The following NMU variants were observed in gnomAD, a reference collection of about 807,000 sequenced individuals.
NMU encodes neuromedin-U.
NMU carries 29 observed loss-of-function variants against 35.4 expected under a neutral mutation model. The observed-to-expected ratio is 0.82, with a 90% CI of 0.61 to 1.12. The LOEUF (loss-of-function observed/expected upper bound fraction) is 1.12. NMU is among the 50% of genes most tolerant of loss of function. The probability of loss-of-function intolerance (pLI) is 0.00; values close to 1 mark genes in which losing one functional copy is unlikely to be tolerated. For synonymous variants in NMU, 78 were observed against 81.3 expected (o/e 0.96, Z 0.22); for missense variants, 199 against 206.2 (o/e 0.97, Z 0.21).
intron 8 of NMU, among the ~76,000 whole-genome samples, chr4:55,599,439 A>G (rs1053557509): frequency 2.0e-5 from 3 of 152,124 alleles, no homozygotes; most frequent in Non-Finnish European, 4.4e-5. Context: ...ATGCTATTTG[A>G]CTTTGCTTAT....
At chr4:55,617,661 G>T (rs1023983431) in intron 2 of NMU, among the ~76,000 whole-genome samples, 2 of 152,202 alleles carry the variant, frequency 1.3e-5, no homozygotes, top group African/African-American at 4.8e-5. Flanking sequence ...AAGTCAAAAA[G>T]ATAACCATTT....
intron 2 of NMU, among the ~76,000 whole-genome samples, chr4:55,629,414 A>G (rs1734669923): frequency 6.6e-6 from 1 of 151,592 alleles, no homozygotes; most frequent in South Asian, 2.1e-4. Flanking sequence ...AGGTCAAGAG[A>G]TGGAGACCAT....
At chr4:55,598,594 C>G (rs1733300077) in intron 9 of NMU, among the ~76,000 whole-genome samples, 2 of 152,260 alleles carry the variant, frequency 1.3e-5, no homozygotes, top group South Asian at 4.1e-4. Context: ...ATGTCCAGCA[C>G]TGAGGTAGAA....
intron 2 of NMU, among the ~76,000 whole-genome samples, chr4:55,618,573 C>T (rs564831374): frequency 6.6e-6 from 1 of 152,092 alleles, no homozygotes; most frequent in African/African-American, 2.4e-5. Context: ...TCCTTTCTTT[C>T]TTTTCTTTCT....
chr4:55,605,994 A>G (rs369963582), intron 6 of NMU, among the ~76,000 whole-genome samples: 5 of 152,236 alleles, frequency 3.3e-5, no homozygotes, highest in East Asian at 3.8e-4. Flanking sequence ...TTAAAAAGGT[A>G]TGGGTCACAT....
chr4:55,596,717 AT>A (rs1447085889), intron 9 of NMU, among the ~76,000 whole-genome samples: 1 of 152,104 alleles, frequency 6.6e-6, no homozygotes, highest in Non-Finnish European at 1.5e-5. Flanking sequence ...AGCACATTAA[AT>A]TTTTCCTTCG....
intron 3 of NMU, among the ~76,000 whole-genome samples, chr4:55,611,431 GAAGA>G (rs1459284232): frequency 2.6e-5 from 4 of 152,110 alleles, no homozygotes; most frequent in African/African-American, 7.2e-5. Context: ...ATTTATTATT[GAAGA>G]GAGAAAAATT....
intron 9 of NMU, among the ~76,000 whole-genome samples, chr4:55,598,344 A>G (rs1733285715): frequency 6.6e-6 from 1 of 152,090 alleles, no homozygotes. Flanking sequence ...AAGTGATGGG[A>G]TTACAGGCAT....
intron 7 of NMU, among the ~76,000 whole-genome samples, chr4:55,604,850 T>G (rs1339836860): frequency 6.6e-6 from 1 of 151,834 alleles, no homozygotes; most frequent in African/African-American, 2.4e-5. Flanking sequence ...TAACAACATT[T>G]AAATACTTGA....
chr4:55,605,264 GTA>G lies in NMU; in HGVS notation c.435+9_435+10del. Reference sequence around the variant, plus strand: ...GAATGGCAAAGCCAGCATGCAGTTTGTATTACATACGTCCACTCTGAATCTCT... The same window carrying G: ...GAATGGCAAAGCCAGCATGCAGTTTGTTACATACGTCCACTCTGAATCTCT... On this transcript the variant is annotated intron_variant, in intron 7 of 9. Coordinates refer to ENST00000264218, the MANE Select transcript of NMU (RefSeq NM_006681.4). The G allele has an allele frequency of 6.3e-7, 1 of 1,592,170 alleles. No individual in the cohort carries two copies. The highest frequency in any genetic ancestry group is 8.6e-7 in the Non-Finnish European group (1 of 1,159,848).
At chr4:55,632,172 G>T (rs893574277) in intron 1 of NMU, among the ~76,000 whole-genome samples, 1 of 151,984 alleles carries the variant, frequency 6.6e-6, no homozygotes, top group African/African-American at 2.4e-5. Context: ...CTAGGAGGGG[G>T]TTGGGGGATA....
intron 2 of NMU, among the ~76,000 whole-genome samples, chr4:55,625,169 T>TAAAAAAAAAAAAA (rs760890031): frequency 1.2e-4 from 12 of 98,342 alleles, no homozygotes; most frequent in East Asian, 3.1e-4. Context: ...AAAGTATAAT[T>TAAAAAAAAAAAAA]AAAAAAAAAA....
chr4:55,618,698 TC>T (rs1560522215), intron 2 of NMU, among the ~76,000 whole-genome samples: 53 of 72,392 alleles, frequency 7.3e-4, no homozygotes, highest in African/African-American at 1.7e-3. Flanking sequence ...TTCTTCTCTC[TC>T]TTCTTTCTTT....
intron 9 of NMU, among the ~76,000 whole-genome samples, chr4:55,596,908 G>T (rs1733206388): frequency 6.6e-6 from 1 of 152,148 alleles, no homozygotes; most frequent in Non-Finnish European, 1.5e-5. Context: ...TGAGACCATT[G>T]TATAAATCAT....
At chr4:55,605,736 A>G (rs1008165158) in intron 6 of NMU, among the ~76,000 whole-genome samples, 6 of 152,264 alleles carry the variant, frequency 3.9e-5, no homozygotes, top group African/African-American at 1.4e-4. Context: ...TGCCAGTAGC[A>G]ATTTTCCACT....
At chr4:55,628,353 A>G (rs931852814) in intron 2 of NMU, among the ~76,000 whole-genome samples, 16 of 151,940 alleles carry the variant, frequency 1.1e-4, no homozygotes, top group African/African-American at 3.9e-4. Context: ...TTTTTGGTCT[A>G]TATCTTGTTT....
chr4:55,603,034 G>C (rs1258883687), intron 7 of NMU, among the ~76,000 whole-genome samples: 1 of 152,076 alleles, frequency 6.6e-6, no homozygotes, highest in African/African-American at 2.4e-5. Flanking sequence ...GTCTTGCTCT[G>C]TCACCCAGGC....
chr4:55,609,092 TAC>T (rs1733821836), intron 4 of NMU, 26 bp downstream of exon 4: 1 of 1,599,298 alleles, frequency 6.3e-7, no homozygotes, highest in African/African-American at 1.3e-5. Flanking sequence ...AATTTTTGTC[TAC>T]AAACAAAACA....
intron 9 of NMU, among the ~76,000 whole-genome samples, chr4:55,595,641 A>AT (rs1350425305): frequency 0.012 from 731 of 63,166 alleles, 9 homozygotes; most frequent in Non-Finnish European, 0.013. Context: ...ATATATATAT[A>AT]TATTTTTTTT....
Sources: allele counts gnomAD v4.1 joint callset (sites outside exome capture counted in the v4.1 genomes callset), GRCh38; gene constraint gnomAD v4.1.1; transcripts MANE v1.5; gene names NCBI Gene and HGNC (gene_info 2026-07-23, HGNC 2026-07-21).